Variants in KHDRBS2 observed in about 807,000 individuals in gnomAD.
The protein encoded by KHDRBS2 is KH RNA binding domain containing, signal transduction associated 2.
KHDRBS2 carries 26 observed loss-of-function variants against 44.3 expected under a neutral mutation model. The observed-to-expected ratio is 0.59, with a 90% CI of 0.43 to 0.81. The LOEUF is 0.81. Among genes scored for constraint, KHDRBS2 ranks in the 40% least tolerant of loss-of-function variants. The pLI is 0.00. For missense variants in KHDRBS2, 476 were observed against 433.1 expected (o/e 1.10, Z -0.88); for synonymous variants, 194 against 151.1 (o/e 1.28, Z -2.08).
intron 6 of KHDRBS2, among the ~76,000 whole-genome samples, chr6:61,879,338 T>G (rs1383145780): frequency 6.6e-6 from 1 of 151,984 alleles, no homozygotes; most frequent in African/African-American, 2.4e-5. Flanking sequence ...TTCTGCCCTG[T>G]ATCTGTAAGC....
At chr6:61,567,414 G>A in the KHDRBS2 span, among the ~76,000 whole-genome samples, 17 of 152,090 alleles carry the variant, frequency 1.1e-4, no homozygotes, top group African/African-American at 3.4e-4. Context: ...AAGCAGTATT[G>A]CTTCAGCCTA....
chr6:61,597,773 T>TATATATACACAC, the KHDRBS2 span, among the ~76,000 whole-genome samples: 4 of 42,350 alleles, frequency 9.4e-5, no homozygotes, highest in Non-Finnish European at 1.4e-4. Context: ...TATATATATA[T>TATATATACACAC]ACACCAAGAT....
chr6:62,132,227 T>C (rs978497021), intron 2 of KHDRBS2, among the ~76,000 whole-genome samples: 3 of 152,214 alleles, frequency 2.0e-5, no homozygotes, highest in African/African-American at 7.2e-5. Context: ...AAACCTTATT[T>C]TGCTTAAATG....
At chr6:61,863,632 C>T (rs141874084) in intron 6 of KHDRBS2, among the ~76,000 whole-genome samples, 1 of 152,262 alleles carries the variant, frequency 6.6e-6, no homozygotes, top group East Asian at 1.9e-4. Flanking sequence ...TTTGATTGTA[C>T]TGTGATCCAA....
chr6:61,728,385 A>G (rs1773916614), intron 7 of KHDRBS2, among the ~76,000 whole-genome samples: 1 of 152,098 alleles, frequency 6.6e-6, no homozygotes, highest in Non-Finnish European at 1.5e-5. Flanking sequence ...GCAAACCAGC[A>G]TGGCACTTGT....
chr6:61,822,226 G>A (rs1197410233), intron 6 of KHDRBS2, among the ~76,000 whole-genome samples: 1 of 151,834 alleles, frequency 6.6e-6, no homozygotes, highest in Non-Finnish European at 1.5e-5. Flanking sequence ...TATCGAAAAC[G>A]AAGTTCATCT....
At position 61,692,461 on chromosome 6, in the gene KHDRBS2, G is replaced by T. The variant is rs181920991; in HGVS notation, c.952+4734C>A. Among the ~76,000 whole-genome samples the T allele has an allele frequency of 8.3e-4, 126 of 151,654 alleles. 1 individual carries two copies. The highest frequency in any genetic ancestry group is 2.9e-3 in the African/African-American group (122 of 41,360). ...TTAGATGTTATTTACATTATAATGA[G>T]CAAGATAGTTTAATATTTAATATTA... On this transcript the variant is annotated intron_variant, in intron 8 of 8. Transcript: ENST00000281156.
the KHDRBS2 span, among the ~76,000 whole-genome samples, chr6:61,612,764 C>G: frequency 1.3e-5 from 2 of 150,880 alleles, no homozygotes; most frequent in African/African-American, 2.4e-5. Flanking sequence ...TTTTTATGGA[C>G]CTAAATATTA....
chr6:61,985,642 G>T (rs1028431189), intron 3 of KHDRBS2, among the ~76,000 whole-genome samples: 1 of 152,108 alleles, frequency 6.6e-6, no homozygotes, highest in African/African-American at 2.4e-5. Flanking sequence ...AGCTCAAGTT[G>T]GACCTCGTTA....
At chr6:61,884,884 C>T (rs1401132879) in intron 6 of KHDRBS2, among the ~76,000 whole-genome samples, 1 of 151,994 alleles carries the variant, frequency 6.6e-6, no homozygotes, top group Non-Finnish European at 1.5e-5. Flanking sequence ...ATAAATGTTG[C>T]CATTATTTTC....
chr6:62,123,720 T>G (rs1206086724), intron 2 of KHDRBS2, among the ~76,000 whole-genome samples: 2 of 152,222 alleles, frequency 1.3e-5, no homozygotes, highest in African/African-American at 4.8e-5. Context: ...ACCTTATCAC[T>G]GATAATGCCA....
chr6:61,919,706 T>TA (rs886555377), intron 4 of KHDRBS2, among the ~76,000 whole-genome samples: 9 of 151,636 alleles, frequency 5.9e-5, no homozygotes, highest in African/African-American at 2.2e-4. Context: ...TGTAAAATCT[T>TA]AAAAAAACCT....
At chr6:62,098,785 C>T (rs1279572006) in intron 2 of KHDRBS2, among the ~76,000 whole-genome samples, 2 of 152,110 alleles carry the variant, frequency 1.3e-5, no homozygotes, top group Non-Finnish European at 2.9e-5. Flanking sequence ...TGAAAAGTTG[C>T]TATTTTGATG....
At chr6:61,583,764 T>G in the KHDRBS2 span, among the ~76,000 whole-genome samples, 1 of 151,794 alleles carries the variant, frequency 6.6e-6, no homozygotes, top group East Asian at 1.9e-4. Context: ...GCTAATATTT[T>G]TATTGAACCT....
intron 2 of KHDRBS2, among the ~76,000 whole-genome samples, chr6:62,108,605 C>T (rs1357057627): frequency 6.6e-6 from 1 of 152,038 alleles, no homozygotes; most frequent in African/African-American, 2.4e-5. Flanking sequence ...GGGTATATAC[C>T]CAAAGGACTA....
rs6899617 is a variant in KHDRBS2 at position 62,172,297 on chromosome 6, A to G, written c.219+4888T>C. 1.5e-3 allele frequency among the ~76,000 whole-genome samples: 230 copies of G among 152,280 alleles called. 1 individual carries two copies. Among genetic ancestry groups the G allele is most frequent in the African/African-American group, 5.4e-3 (223 of 41,584 alleles). On this transcript the variant is annotated intron_variant, in intron 2 of 8. Coordinates refer to ENST00000281156, the MANE Select transcript of KHDRBS2 (RefSeq NM_152688.4). ...TCAGGGGTTGCTACTCTAATTTCAG[A>G]CAAACAAACTTTAAGCAAACAAAAA...
intron 3 of KHDRBS2, among the ~76,000 whole-genome samples, chr6:61,985,047 TCCCTCC>T (rs1774778079): frequency 1.3e-5 from 2 of 152,164 alleles, no homozygotes; most frequent in Non-Finnish European, 2.9e-5. Context: ...TCCCACCTAG[TCCCTCC>T]TGTGGCTTGT....
rs70996208 is a variant in KHDRBS2, at chr6:62,194,480, C to CTTTTTTTTTTTTTTTTTT, written c.92-17186_92-17169dup. Among the ~76,000 whole-genome samples the CTTTTTTTTTTTTTTTTTT allele has an allele frequency of 2.6e-4, 18 of 69,772 alleles. 2 individuals are homozygous for CTTTTTTTTTTTTTTTTTT. Among genetic ancestry groups the CTTTTTTTTTTTTTTTTTT allele is most frequent in the East Asian group, 4.0e-4 (1 of 2,474 alleles). 45.8% of individuals were successfully genotyped at this position (69,772 alleles called of 152,430 possible). On this transcript the variant is annotated intron_variant, in intron 1 of 8. Transcript: ENST00000281156. ...CACTTTCTTTTCTTTTCTTTTCTTC[C>CTTTTTTTTTTTTTTTTTT]TTTTTTTTTTTTTTTTTTTTTTTTT...
At chr6:61,667,200 T>G in the KHDRBS2 span, among the ~76,000 whole-genome samples, 4 of 150,802 alleles carry the variant, frequency 2.7e-5, no homozygotes. Context: ...ACAAAAGTTA[T>G]GTTAATTTTT....
Sources: gnomAD v4.1 joint callset for allele counts (sites outside exome capture counted in the v4.1 genomes callset) on GRCh38, gnomAD v4.1.1 for gene constraint, MANE v1.5 for transcripts, NCBI Gene and HGNC (gene_info 2026-07-23, HGNC 2026-07-21) for gene names.